EVI5: variants seen among roughly 807,000 people sequenced by gnomAD.
The protein encoded by EVI5 is ecotropic viral integration site 5, also known as ecotropic viral integration site 5 protein homolog.
A neutral mutation model predicts 112.0 loss-of-function variants in EVI5; 73 were observed. The observed-to-expected ratio is 0.65, with a 90% confidence interval of 0.54 to 0.79. EVI5 has a LOEUF of 0.79. Among genes scored for constraint, EVI5 ranks in the 30% least tolerant of loss-of-function variants. EVI5 has a pLI of 0.00. For missense variants in EVI5, 900 were observed against 968.8 expected (o/e 0.93, Z 0.94); for synonymous variants, 305 against 319.9 (o/e 0.95, Z 0.50).
At chr1:92,787,177 G>T (rs1344501926), upstream of EVI5, among the ~76,000 whole-genome samples, 1 of 152,194 alleles carries the variant, frequency 6.6e-6, no homozygotes, top group East Asian at 1.9e-4. Flanking sequence ...TTCAGTAAAT[G>T]AAAATTATAG....
chr1:92,661,017 A>AC (rs1263149529), intron 13 of EVI5, among the ~76,000 whole-genome samples: 15 of 149,686 alleles, frequency 1.0e-4, no homozygotes, highest in African/African-American at 3.8e-4. Context: ...ATTTGGGAAA[A>AC]AACACACACA....
chr1:92,530,302 T>A (rs746741868), intron 19 of EVI5, among the ~76,000 whole-genome samples: 1 of 152,084 alleles, frequency 6.6e-6, no homozygotes, highest in Non-Finnish European at 1.5e-5. Context: ...GACTTATAGA[T>A]ACAACCCTCA....
At chr1:92,782,009 C>G (rs1684929212) in intron 1 of EVI5, among the ~76,000 whole-genome samples, 1 of 145,482 alleles carries the variant, frequency 6.9e-6, no homozygotes, top group African/African-American at 2.6e-5. Flanking sequence ...ACCTGTAATC[C>G]CAGCACTTTA....
At chr1:92,711,231 G>A (rs145342586) in intron 2 of EVI5, among the ~76,000 whole-genome samples, 1 of 152,274 alleles carries the variant, frequency 6.6e-6, no homozygotes, top group East Asian at 1.9e-4. Flanking sequence ...AATAAGCACA[G>A]CAGTTGAAAA....
At chr1:92,695,055 C>T (rs990358690) in intron 7 of EVI5, among the ~76,000 whole-genome samples, 3 of 152,196 alleles carry the variant, frequency 2.0e-5, no homozygotes, top group Admixed American at 1.3e-4. Flanking sequence ...TACAACACCA[C>T]TTATGTATTG....
At chr1:92,782,289 A>G (rs1684970010) in intron 1 of EVI5, among the ~76,000 whole-genome samples, 1 of 151,946 alleles carries the variant, frequency 6.6e-6, no homozygotes, top group Admixed American at 6.6e-5. Flanking sequence ...ACACACACAC[A>G]CAAATTAAGA....
intron 1 of EVI5, 70 bp downstream of exon 1, chr1:92,784,766 C>A (rs1335602735): frequency 5.2e-5 from 50 of 959,810 alleles, no homozygotes; most frequent in East Asian, 1.1e-4. Flanking sequence ...CCCAGCTGTG[C>A]GCCAGCGGAA....
chr1:92,745,784 C>G (rs1251760983), intron 1 of EVI5, among the ~76,000 whole-genome samples: 1 of 152,136 alleles, frequency 6.6e-6, no homozygotes, highest in African/African-American at 2.4e-5. Flanking sequence ...CTAGCCTGGG[C>G]AACAGAATGA....
chr1:92,522,473 T>C (rs1661097266), intron 19 of EVI5, among the ~76,000 whole-genome samples: 3 of 151,618 alleles, frequency 2.0e-5, no homozygotes. Flanking sequence ...CCATCTCTAC[T>C]AAAAATACAA....
intron 19 of EVI5, among the ~76,000 whole-genome samples, chr1:92,560,480 G>C (rs969540394): frequency 6.6e-6 from 1 of 152,128 alleles, no homozygotes; most frequent in African/African-American, 2.4e-5. Context: ...TGATCATTTT[G>C]TGATAATTTA....
At chr1:92,676,030 A>G (rs1246630415) in intron 10 of EVI5, among the ~76,000 whole-genome samples, 1 of 151,820 alleles carries the variant, frequency 6.6e-6, no homozygotes, top group African/African-American at 2.4e-5. Flanking sequence ...AATTAAAAAA[A>G]AAAAAAGGAA....
At chr1:92,780,040 C>T (rs569330559) in intron 1 of EVI5, among the ~76,000 whole-genome samples, 1 of 152,192 alleles carries the variant, frequency 6.6e-6, no homozygotes, top group East Asian at 1.9e-4. Context: ...GTTAATAATC[C>T]CCACATGTCA....
At chr1:92,653,645 G>T (rs1476594190) in intron 13 of EVI5, among the ~76,000 whole-genome samples, 2 of 152,178 alleles carry the variant, frequency 1.3e-5, no homozygotes, top group Non-Finnish European at 1.5e-5. Context: ...GGTGACTGTG[G>T]TCTTACTGGC....
chr1:92,785,399 G>A (rs1685520997), upstream of EVI5, among the ~76,000 whole-genome samples: 1 of 152,248 alleles, frequency 6.6e-6, no homozygotes, highest in Admixed American at 6.5e-5. Context: ...GCTTAGGACT[G>A]CAGGCCTCGC....
At chr1:92,743,151 G>A (rs1039907916) in intron 1 of EVI5, among the ~76,000 whole-genome samples, 5 of 152,160 alleles carry the variant, frequency 3.3e-5, no homozygotes, top group African/African-American at 1.2e-4. Context: ...TCAGGAGTTC[G>A]AGACCAGTTT....
In EVI5 at chr1:92,624,689, CAAAAAAAAAAAAAA is replaced by C. The variant is rs141559165; in HGVS notation, c.1669-369_1669-356del. Among the ~76,000 whole-genome samples the C allele has an allele frequency of 1.1e-3, 58 of 51,768 alleles. 1 individual carries two copies. The highest frequency in any genetic ancestry group is 3.5e-3 in the East Asian group (6 of 1,722). 34.0% of individuals were successfully genotyped at this position (51,768 alleles called of 152,430 possible). ...GAAACCCTGTCTCTAGTCTCTACTTCAAAAAAAAAAAAAAAAAAAAAAAAAAAAAAAGAATTTAT... is the reference window on the plus strand; with the variant it reads ...GAAACCCTGTCTCTAGTCTCTACTTCAAAAAAAAAAAAAAAAAGAATTTAT... On this transcript the variant is annotated intron_variant, in intron 15 of 19. Transcript: ENST00000684568.
intron 2 of EVI5, among the ~76,000 whole-genome samples, chr1:92,724,808 T>A (rs982488902): frequency 4.0e-5 from 6 of 151,384 alleles, no homozygotes; most frequent in African/African-American, 7.3e-5. Context: ...ACCCTGTCTT[T>A]AAAAAAAATA....
chr1:92,524,776 T>C (rs1259207651), intron 19 of EVI5, among the ~76,000 whole-genome samples: 1 of 152,060 alleles, frequency 6.6e-6, no homozygotes, highest in African/African-American at 2.4e-5. Flanking sequence ...AGGAATAACA[T>C]GTCTACCCTT....
At chr1:92,733,483 T>G (rs1303367226) in intron 2 of EVI5, among the ~76,000 whole-genome samples, 5 of 151,734 alleles carry the variant, frequency 3.3e-5, no homozygotes. Flanking sequence ...CTCAGCTAAC[T>G]GCAACCTCCA....
Sources: allele counts gnomAD v4.1 joint callset (sites outside exome capture counted in the v4.1 genomes callset), GRCh38; gene constraint gnomAD v4.1.1; transcripts MANE v1.5; gene names NCBI Gene and HGNC (gene_info 2026-07-23, HGNC 2026-07-21).